Variants in EED observed in about 807,000 individuals in gnomAD.
EED encodes embryonic ectoderm development.
In EED, 9 loss-of-function variants were observed where a neutral mutation model predicts 61.0. The observed-to-expected ratio is 0.15, with a 90% CI of 0.09 to 0.26. The LOEUF (loss-of-function observed/expected upper bound fraction) is 0.26. Ranked by LOEUF, EED falls within the 10% of genes least tolerant of loss-of-function variation. The pLI is 1.00. For synonymous variants in EED, 187 were observed against 174.4 expected, an observed-to-expected ratio of 1.07 and a Z score of -0.57; for missense variants, 315 against 542.3, an observed-to-expected ratio of 0.58 and a Z score of 4.16.
At chr11:86,245,468 G>C in intron 1 of EED, 125 bp downstream of exon 1, 1 of 800,310 alleles carries the variant, frequency 1.2e-6, no homozygotes, top group Non-Finnish European at 2.0e-6. Context: ...GGAAAACGCG[G>C]GCGTGCGGGA....
At chr11:86,255,388 T>C (rs543253853) in intron 4 of EED, 101 bp downstream of exon 4, 20 of 977,904 alleles carry the variant, frequency 2.0e-5, no homozygotes, top group African/African-American at 6.5e-5. Flanking sequence ...AAGTTATTGT[T>C]CTTTCTTAAC....
intron 9 of EED, among the ~76,000 whole-genome samples, chr11:86,271,743 A>G (rs1285386132): frequency 6.6e-6 from 1 of 152,004 alleles, no homozygotes; most frequent in East Asian, 1.9e-4. Context: ...TTATATGCTC[A>G]TATGGTTTAT....
At chr11:86,266,980 C>T (rs896930744) in intron 8 of EED, among the ~76,000 whole-genome samples, 5 of 152,144 alleles carry the variant, frequency 3.3e-5, no homozygotes, top group African/African-American at 1.2e-4. Context: ...TTTCAATGCA[C>T]TAACATTCAT....
chr11:86,269,933 A>T, intron 9 of EED: 1 of 549,210 alleles, frequency 1.8e-6, no homozygotes, highest in Non-Finnish European at 3.2e-6. Context: ...GTTCTGGGCT[A>T]TTGCAAATAA....
At chr11:86,283,370 T>C (rs1190593116), downstream of EED, among the ~76,000 whole-genome samples, 3 of 152,234 alleles carry the variant, frequency 2.0e-5, no homozygotes, top group Admixed American at 2.0e-4. Flanking sequence ...GCAACTCTCC[T>C]TCCTCTCTGT....
intron 3 of EED, among the ~76,000 whole-genome samples, chr11:86,253,179 T>C (rs1945578974): frequency 6.6e-6 from 1 of 152,240 alleles, no homozygotes; most frequent in Admixed American, 6.5e-5. Context: ...CTTTTTTTCT[T>C]CTGTTTTTGG....
At chr11:86,278,115 C>A in intron 11 of EED, 124 bp downstream of exon 11, 1 of 1,369,184 alleles carries the variant, frequency 7.3e-7, no homozygotes, top group Non-Finnish European at 9.5e-7. Flanking sequence ...TTACTGTTTT[C>A]AGAGTTAAAG....
intron 8 of EED, among the ~76,000 whole-genome samples, chr11:86,266,611 A>G (rs868667849): frequency 1.3e-5 from 2 of 152,122 alleles, no homozygotes; most frequent in African/African-American, 4.8e-5. Flanking sequence ...CTAATTCAAG[A>G]TGGTAAACCA....
At chr11:86,266,419 C>T (rs763284748) in intron 8 of EED, among the ~76,000 whole-genome samples, 9 of 152,022 alleles carry the variant, frequency 5.9e-5, no homozygotes, top group Non-Finnish European at 1.3e-4. Flanking sequence ...TTCAAAATCC[C>T]CTTTAAATTG....
chr11:86,259,425 C>T (rs1945770207), intron 6 of EED, among the ~76,000 whole-genome samples: 1 of 152,008 alleles, frequency 6.6e-6, no homozygotes, highest in Non-Finnish European at 1.5e-5. Context: ...CTCACTGTAG[C>T]CTCAACCTAC....
chr11:86,246,782 AAGTGAT>A (rs1945402339), intron 1 of EED, among the ~76,000 whole-genome samples: 1 of 152,212 alleles, frequency 6.6e-6, no homozygotes, highest in African/African-American at 2.4e-5. Flanking sequence ...TGCTGGATCC[AAGTGAT>A]AGGTTAAAAT....
intron 9 of EED, among the ~76,000 whole-genome samples, chr11:86,274,094 C>G (rs992816867): frequency 2.0e-5 from 3 of 146,442 alleles, no homozygotes; most frequent in Non-Finnish European, 4.5e-5. Context: ...CTAGGACTGT[C>G]TTTTTTCTTT....
chr11:86,247,717 A>G (rs1462738523), intron 1 of EED, among the ~76,000 whole-genome samples: 1 of 152,226 alleles, frequency 6.6e-6, no homozygotes, highest in Non-Finnish European at 1.5e-5. Context: ...AGTAGAGAAC[A>G]TTGTATAAAA....
chr11:86,257,737 C>A (rs1333499343), intron 6 of EED, 141 bp downstream of exon 6: 9 of 603,766 alleles, frequency 1.5e-5, no homozygotes, highest in Non-Finnish European at 2.2e-5. Flanking sequence ...TAAAAACTCA[C>A]AAAAAAACAC....
chr11:86,253,677 A>G (rs1258630806), intron 3 of EED, among the ~76,000 whole-genome samples: 1 of 152,202 alleles, frequency 6.6e-6, no homozygotes. Context: ...TTGTGATGAT[A>G]CACAGGATCT....
intron 3 of EED, 151 bp downstream of exon 3, chr11:86,252,391 A>T: frequency 2.0e-6 from 1 of 500,438 alleles, no homozygotes; most frequent in Non-Finnish European, 3.5e-6. Context: ...CTAGAAATTA[A>T]TTAAAACTAG....
chr11:86,267,968 G>C (rs7101712), intron 8 of EED: 58,283 of 151,690 alleles, frequency 0.38, 11,348 homozygotes, highest in Non-Finnish European at 0.41. Context: ...AGGCAGGACT[G>C]TAGATGTATC....
intron 9 of EED, 137 bp downstream of exon 9, chr11:86,268,698 A>C (rs1367958365): frequency 2.0e-6 from 1 of 501,678 alleles, no homozygotes; most frequent in Admixed American, 3.6e-5. Flanking sequence ...GCAGCTGGGA[A>C]GTTGCCTTTT....
chr11:86,279,049 A>G (rs576402252), downstream of EED, among the ~76,000 whole-genome samples: 7 of 152,344 alleles, frequency 4.6e-5, no homozygotes, highest in South Asian at 1.0e-3. Context: ...AGTATTTGAC[A>G]TATAATAAGC....
Sources: gnomAD v4.1 joint callset for allele counts (sites outside exome capture counted in the v4.1 genomes callset) on GRCh38, gnomAD v4.1.1 for gene constraint, MANE v1.5 for transcripts, NCBI Gene and HGNC (gene_info 2026-07-23, HGNC 2026-07-21) for gene names.